Variants in FAM13C observed in about 807,000 individuals in gnomAD.
FAM13C encodes family with sequence similarity 13 member C, also known as protein FAM13C.
A neutral mutation model predicts 73.2 loss-of-function variants in FAM13C; 37 were observed. The observed-to-expected ratio is 0.51, with a 90% CI of 0.39 to 0.67. The LOEUF is 0.67. Ranked by LOEUF, FAM13C falls within the 30% of genes least tolerant of loss-of-function variation. FAM13C has a pLI of 0.00. For missense variants in FAM13C, 589 were observed against 715.6 expected (o/e 0.82, Z 2.02); for synonymous variants, 246 against 260.9 (o/e 0.94, Z 0.55).
intron 8 of FAM13C, among the ~76,000 whole-genome samples, chr10:59,266,053 T>G (rs1000288804): frequency 7.9e-5 from 12 of 152,216 alleles, no homozygotes; most frequent in African/African-American, 2.9e-4. Context: ...TTAGAAAAAT[T>G]ACTGGGAGGG....
At chr10:59,290,893 A>G (rs11006428) in intron 5 of FAM13C, among the ~76,000 whole-genome samples, 35,934 of 152,028 alleles carry the variant, frequency 0.24, 5,604 homozygotes, top group East Asian at 0.57. Flanking sequence ...TGAGTATCCA[A>G]TATTGACCCC....
intron 6 of FAM13C, among the ~76,000 whole-genome samples, chr10:59,271,732 G>A (rs951070588): frequency 2.0e-5 from 3 of 152,148 alleles, no homozygotes; most frequent in Admixed American, 2.0e-4. Context: ...GTAGGTGTAT[G>A]GGTTCCTCAT....
chr10:59,322,890 C>G (rs1850513123), intron 4 of FAM13C, among the ~76,000 whole-genome samples: 1 of 152,114 alleles, frequency 6.6e-6, no homozygotes, highest in Non-Finnish European at 1.5e-5. Flanking sequence ...ACAGGTATTA[C>G]CTGAGGTCAG....
chr10:59,268,978 C>G (rs117023536), intron 7 of FAM13C, among the ~76,000 whole-genome samples: 1,961 of 152,256 alleles, frequency 0.013, 18 homozygotes, highest in Middle Eastern at 0.027. Flanking sequence ...TCGAAAGAGA[C>G]AGTACTGTTG....
At chr10:59,315,473 G>A (rs570500550) in intron 4 of FAM13C, among the ~76,000 whole-genome samples, 2 of 152,108 alleles carry the variant, frequency 1.3e-5, no homozygotes, top group South Asian at 2.1e-4. Context: ...GTTTTTACAG[G>A]GTGATGGTAT....
chr10:59,306,732 A>C (rs1848305563), intron 4 of FAM13C, among the ~76,000 whole-genome samples: 1 of 152,160 alleles, frequency 6.6e-6, no homozygotes, highest in Non-Finnish European at 1.5e-5. Flanking sequence ...AAAGATAGCC[A>C]GGTATGGCGG....
chr10:59,291,255 C>T (rs934477337), intron 5 of FAM13C, among the ~76,000 whole-genome samples: 15 of 152,212 alleles, frequency 9.9e-5, no homozygotes, highest in African/African-American at 3.1e-4. Flanking sequence ...GAAGGTATTG[C>T]TTCCTGAACT....
intron 9 of FAM13C, among the ~76,000 whole-genome samples, chr10:59,263,202 A>G (rs924274734): frequency 1.3e-5 from 2 of 152,220 alleles, no homozygotes; most frequent in East Asian, 3.8e-4. Context: ...GTGGCTTTAT[A>G]TAAACCTAGA....
At chr10:59,301,656 G>A (rs978852919) in intron 5 of FAM13C, among the ~76,000 whole-genome samples, 2 of 152,162 alleles carry the variant, frequency 1.3e-5, no homozygotes, top group African/African-American at 4.8e-5. Flanking sequence ...TTTACAACTA[G>A]CATTTTGCTT....
intron 10 of FAM13C, 41 bp downstream of exon 10, chr10:59,262,393 G>T: frequency 6.4e-7 from 1 of 1,556,806 alleles, no homozygotes; most frequent in Non-Finnish European, 8.9e-7. Context: ...GCACTGTGTG[G>T]ACTACAGGGG....
intron 3 of FAM13C, 123 bp from the exon 4 acceptor site, chr10:59,324,229 A>G (rs1482414067): frequency 1.4e-6 from 1 of 732,846 alleles, no homozygotes; most frequent in Non-Finnish European, 2.2e-6. Context: ...TGCTGATTGT[A>G]GTGTGGGAAG....
chr10:59,250,298 A>T (rs1179033043), intron 13 of FAM13C, among the ~76,000 whole-genome samples: 1 of 152,230 alleles, frequency 6.6e-6, no homozygotes, highest in Non-Finnish European at 1.5e-5. Context: ...TGAACATTTT[A>T]TAAAAGAAAA....
intron 1 of FAM13C, among the ~76,000 whole-genome samples, chr10:59,357,393 A>AT (rs1855856961): frequency 6.6e-6 from 1 of 152,202 alleles, no homozygotes; most frequent in South Asian, 2.1e-4. Context: ...ATGAGTAGAA[A>AT]TAACTGTAAT....
chr10:59,355,282 A>G (rs1385703027), intron 2 of FAM13C, among the ~76,000 whole-genome samples: 1 of 152,036 alleles, frequency 6.6e-6, no homozygotes, highest in Non-Finnish European at 1.5e-5. Flanking sequence ...GGCCTTCAAC[A>G]AATATTTGTT....
intron 10 of FAM13C, among the ~76,000 whole-genome samples, chr10:59,258,171 C>T (rs1369712146): frequency 6.6e-6 from 1 of 152,178 alleles, no homozygotes; most frequent in East Asian, 1.9e-4. Flanking sequence ...TCCCTTTTCT[C>T]TAACAGAGGC....
intron 3 of FAM13C, among the ~76,000 whole-genome samples, chr10:59,326,936 T>C (rs1851226767): frequency 6.6e-6 from 1 of 152,248 alleles, no homozygotes; most frequent in African/African-American, 2.4e-5. Flanking sequence ...ACATTACCTT[T>C]CCTGTATTCT....
Position 59,334,512 on chromosome 10 carries a change from T to C in FAM13C, c.325-10406A>G, listed in dbSNP as rs370783876. Among the ~76,000 whole-genome samples, 9 of 152,260 alleles carry C rather than the reference T, an allele frequency of 5.9e-5. No homozygotes were observed. In the East Asian group the frequency reaches 1.7e-3, roughly 29 times the overall value. ...AGCAAAGACTTGGAACCAAGCCAAA[T>C]GTCCAACAATGATAGACTGGATTAA... On this transcript the variant is annotated intron_variant, in intron 3 of 13. Transcript: ENST00000618804.
chr10:59,277,373 T>A (rs1589428771), intron 6 of FAM13C, among the ~76,000 whole-genome samples: 1 of 152,240 alleles, frequency 6.6e-6, no homozygotes, highest in East Asian at 1.9e-4. Context: ...TTCATTTTTT[T>A]AAATTGAGAT....
intron 5 of FAM13C, among the ~76,000 whole-genome samples, chr10:59,295,498 G>A (rs1014635183): frequency 1.3e-5 from 2 of 152,042 alleles, no homozygotes; most frequent in Non-Finnish European, 2.9e-5. Context: ...CAACTACAAG[G>A]AACTAAATTC....
Sources: gnomAD v4.1 joint callset for allele counts (sites outside exome capture counted in the v4.1 genomes callset) on GRCh38, gnomAD v4.1.1 for gene constraint, MANE v1.5 for transcripts, NCBI Gene and HGNC (gene_info 2026-07-23, HGNC 2026-07-21) for gene names.